Variants in LTBP2 observed in about 807,000 individuals in gnomAD.
The protein encoded by LTBP2 is latent-transforming growth factor beta-binding protein 2.
A neutral mutation model predicts 210.6 loss-of-function variants in LTBP2; 103 were observed. The observed-to-expected ratio is 0.49, with a 90% CI of 0.42 to 0.58. LTBP2 has a LOEUF of 0.58. Ranked by LOEUF, LTBP2 falls within the 20% of genes least tolerant of loss-of-function variation. LTBP2 has a pLI of 0.00. For synonymous variants in LTBP2, 1,007 were observed against 1,015.0 expected (o/e 0.99, Z 0.15); for missense variants, 2,313 against 2,494.5 (o/e 0.93, Z 1.55).
Position 74,586,584 on chromosome 14 carries a change from C to T in LTBP2, c.566-466G>A, listed in dbSNP as rs2088208443. 1.3e-5 allele frequency among the ~76,000 whole-genome samples: 2 copies of T among 152,174 alleles called. No individual in the cohort carries two copies. Among genetic ancestry groups the T allele is most frequent in the Admixed American group, 6.5e-5 (1 of 15,282 alleles). ...TTGCGGGAAAGGGCCCAACACTGGCCTGAAATTCAAGCGGTTTGAGTTGCT... is the reference window on the plus strand; with the variant it reads ...TTGCGGGAAAGGGCCCAACACTGGCTTGAAATTCAAGCGGTTTGAGTTGCT... On this transcript the variant is annotated intron_variant, in intron 2 of 35. Coordinates refer to ENST00000261978, the MANE Select transcript of LTBP2 (RefSeq NM_000428.3). The surrounding 1 kb of genome is among the most constrained non-coding windows in gnomAD (Gnocchi z 4.6).
At position 74,506,878 on chromosome 14, in the gene LTBP2, T is replaced by TGC. The variant is rs201664630; in HGVS notation, c.3908-57_3908-56dup. On this transcript the variant is annotated intron_variant, in intron 26 of 35. Coordinates refer to ENST00000261978, the MANE Select transcript of LTBP2 (RefSeq NM_000428.3). ...ATGTGTGTGTGTGTGTGTGTGTGTG[T>TGC]GCGCGCGCGCGTGTGTGCTCACTCT... 99 of 1,299,208 alleles carry TGC rather than the reference T, an allele frequency of 7.6e-5. No individual in the cohort carries two copies. In the African/African-American group the frequency reaches 1.1e-3, roughly 15 times the overall value. 80.5% of individuals were successfully genotyped at this position (1,299,208 alleles called of 1,614,324 possible).
intron 18 of LTBP2, among the ~76,000 whole-genome samples, chr14:74,516,310 C>T (rs2087133708): frequency 6.6e-6 from 1 of 151,778 alleles, no homozygotes; most frequent in South Asian, 2.1e-4. Context: ...TGTCACAGCG[C>T]CTTCTGGCTG....
chr14:74,555,366 C>A (rs117449171), intron 4 of LTBP2, 137 bp downstream of exon 4: 2 of 935,908 alleles, frequency 2.1e-6, no homozygotes, highest in East Asian at 2.4e-5. Context: ...GCTCAACAAG[C>A]GTTTGTTGAT....
intron 8 of LTBP2, among the ~76,000 whole-genome samples, chr14:74,546,600 G>A (rs1015638501): frequency 8.5e-5 from 13 of 152,232 alleles, no homozygotes; most frequent in African/African-American, 3.1e-4. Flanking sequence ...GAGATGTTCT[G>A]AACACAGTAG....
chr14:74,611,471 C>A lies in LTBP2; in HGVS notation c.474G>T (p.Pro158=). The part of the protein sequence containing the change: ...PQRSGAAPPT[P]PRGRLTGRNV... ...CTCACCCCGTGAGCCGCCCTCGCGG[C>A]GGGGTTGGGGGCGCAGCCCCAGACC... Residue 158 remains proline, a synonymous_variant, in exon 1 of 36, where the codon CCG becomes CCT. Coordinates refer to ENST00000261978, the MANE Select transcript of LTBP2 (RefSeq NM_000428.3). The A allele has an allele frequency of 6.7e-7, 1 of 1,494,694 alleles. No homozygotes were observed. The highest frequency in any genetic ancestry group is 1.4e-5 in the South Asian group (1 of 73,710). 92.6% of individuals were successfully genotyped at this position (1,494,694 alleles called of 1,614,324 possible).
intron 3 of LTBP2, among the ~76,000 whole-genome samples, chr14:74,569,144 T>C (rs977958632): frequency 4.5e-5 from 5 of 112,200 alleles, no homozygotes; most frequent in Non-Finnish European, 8.7e-5. Flanking sequence ...GGAATGAAGA[T>C]AGAGATGGAG....
At chr14:74,574,595 A>G (rs745904028) in intron 3 of LTBP2, among the ~76,000 whole-genome samples, 1 of 152,186 alleles carries the variant, frequency 6.6e-6, no homozygotes, top group African/African-American at 2.4e-5. Context: ...GAAGATGATG[A>G]TGATGAACTG....
intron 1 of LTBP2, among the ~76,000 whole-genome samples, chr14:74,610,027 C>T (rs1325607885): frequency 6.6e-6 from 1 of 152,232 alleles, no homozygotes. Context: ...CTGCTTGAAG[C>T]TGGGCCTTCC....
chr14:74,564,111 TTA>T (rs1179518193), intron 3 of LTBP2, among the ~76,000 whole-genome samples: 5 of 6,652 alleles, frequency 7.5e-4, no homozygotes, highest in African/African-American at 1.6e-3. Flanking sequence ...ATATATATAT[TTA>T]TATATATATA....
At chr14:74,602,739 C>T (rs755435387) in intron 2 of LTBP2, among the ~76,000 whole-genome samples, 2 of 152,260 alleles carry the variant, frequency 1.3e-5, no homozygotes, top group Non-Finnish European at 2.9e-5. Flanking sequence ...TCCTAACTCA[C>T]TCCTTGGTTT....
At chr14:74,540,830 A>ATT (rs1555350191) in intron 8 of LTBP2, among the ~76,000 whole-genome samples, 50,675 of 68,316 alleles carry the variant, frequency 0.74, 20,793 homozygotes, top group Non-Finnish European at 0.91. Flanking sequence ...ATTTTTATAT[A>ATT]ATATATATTT....
chr14:74,542,598 G>C (rs1437149126), intron 8 of LTBP2, among the ~76,000 whole-genome samples: 1 of 152,190 alleles, frequency 6.6e-6, no homozygotes, highest in African/African-American at 2.4e-5. Flanking sequence ...GCGTGAGCAG[G>C]CTGGTGCCTT....
chr14:74,521,044 G>C (rs1398729450), intron 17 of LTBP2, among the ~76,000 whole-genome samples: 1 of 152,204 alleles, frequency 6.6e-6, no homozygotes, highest in Non-Finnish European at 1.5e-5. Flanking sequence ...CGTTAAGTTA[G>C]GAGGTCTGCC....
Position 74,522,803 on chromosome 14 carries a change from C to A in LTBP2, c.2646G>T (p.Gln882His). 6.2e-7 allele frequency: 1 copy of A among 1,611,194 alleles called. No homozygotes were observed. The highest frequency in any genetic ancestry group is 8.5e-7 in the Non-Finnish European group (1 of 1,178,898). ...CSPGYQLHPS[Q>H]AYCTDDNECL... is the part of the protein sequence containing the mutation. ...CCAAGTGAATACCTGTGCAGTAGGC[C>A]TGGCTGGGGTGCAGCTGGTAGCCAG... The change falls in exon 16 of 36, where the codon CAG becomes CAT. Residue 882 changes from glutamine to histidine, a missense_variant. By Grantham distance (24) the Gln-to-His change is conservative (BLOSUM62 0). Coordinates refer to ENST00000261978, the MANE Select transcript of LTBP2 (RefSeq NM_000428.3).
At chr14:74,565,834 G>A (rs1024797381) in intron 3 of LTBP2, among the ~76,000 whole-genome samples, 2 of 152,162 alleles carry the variant, frequency 1.3e-5, no homozygotes, top group Admixed American at 6.5e-5. Flanking sequence ...CTCTGCCAAC[G>A]TTTTCCAATT....
intron 3 of LTBP2, among the ~76,000 whole-genome samples, chr14:74,569,019 T>G (rs781716826): frequency 6.6e-6 from 1 of 152,162 alleles, no homozygotes; most frequent in Non-Finnish European, 1.5e-5. Context: ...CCTTGTCTCC[T>G]AGAGCACTTG....
intron 3 of LTBP2, among the ~76,000 whole-genome samples, chr14:74,575,872 G>A (rs888074373): frequency 6.6e-6 from 1 of 152,228 alleles, no homozygotes; most frequent in African/African-American, 2.4e-5. Context: ...GGATCTGGCT[G>A]GAGGCCTACA....
At position 74,522,076 on chromosome 14, in the gene LTBP2, C is replaced by G. The variant is rs747772489; in HGVS notation, c.2660-37G>C. 4.4e-6 allele frequency: 7 copies of G among 1,595,262 alleles called. No homozygotes were observed. In the African/African-American group the frequency reaches 8.0e-5, roughly 18 times the overall value. The stretch of plus-strand genomic sequence containing the variant: ...AAGGCAGGGAGGGAGGTCAGGGGGG[C>G]CAGCGGTGCCGTTCTTTGGGCACCT... On this transcript the variant is annotated intron_variant, in intron 16 of 35. Coordinates refer to ENST00000261978, the MANE Select transcript of LTBP2 (RefSeq NM_000428.3).
rs144967693 is a variant in LTBP2 at position 74,503,554 on chromosome 14, C to T, written c.4635G>A (p.Thr1545=). ...LACENGECVN[T]EGSFHCFCSP... ...TGCAGAAGCAGTGGAAGGAGCCCTCCGTGTTGACGCACTCGCCATTCTCAC... is the reference window on the plus strand; with the variant it reads ...TGCAGAAGCAGTGGAAGGAGCCCTCTGTGTTGACGCACTCGCCATTCTCAC... Residue 1545 remains threonine (T), a synonymous_variant, in exon 32 of 36, where the codon ACG becomes ACA. Transcript: ENST00000261978. 1.0e-4 allele frequency: 162 copies of T among 1,613,828 alleles called. 1 individual carries two copies. The highest frequency in any genetic ancestry group is 6.6e-4 in the Middle Eastern group (4 of 6,060).
Sources: allele counts gnomAD v4.1 joint callset (sites outside exome capture counted in the v4.1 genomes callset), GRCh38; gene constraint gnomAD v4.1.1; non-coding constraint Gnocchi (gnomAD v3.1); transcripts MANE v1.5; gene names NCBI Gene and HGNC (gene_info 2026-07-23, HGNC 2026-07-21).